The following MAN1A2 variants were observed in gnomAD, a reference collection of about 807,000 sequenced individuals.
The protein encoded by MAN1A2 is mannosyl-oligosaccharide 1,2-alpha-mannosidase IB.
MAN1A2 carries 26 observed loss-of-function variants against 75.7 expected under a neutral mutation model. The ratio of observed to expected loss-of-function variants is 0.34; its 90% CI spans 0.25 to 0.48. The LOEUF is 0.48. Among genes scored for constraint, MAN1A2 ranks in the 20% least tolerant of loss-of-function variants. MAN1A2 has a pLI of 0.99. For missense variants in MAN1A2, 562 were observed against 775.5 expected (o/e 0.72, Z 3.27); for synonymous variants, 247 against 264.6 (o/e 0.93, Z 0.65).
intron 6 of MAN1A2, among the ~76,000 whole-genome samples, chr1:117,457,504 G>GT (rs1308618948): frequency 6.6e-6 from 1 of 152,008 alleles, no homozygotes; most frequent in Admixed American, 6.6e-5. Context: ...TAGGATATAT[G>GT]TAAGTATCAA....
intron 2 of MAN1A2, among the ~76,000 whole-genome samples, chr1:117,402,776 G>A (rs975713853): frequency 5.3e-5 from 8 of 151,906 alleles, no homozygotes; most frequent in African/African-American, 1.9e-4. Context: ...TAAATGTTCA[G>A]TTACAAAGGG....
chr1:117,446,096 TTG>T (rs1649227655), intron 6 of MAN1A2, among the ~76,000 whole-genome samples: 1 of 151,310 alleles, frequency 6.6e-6, no homozygotes, highest in Non-Finnish European at 1.5e-5. Context: ...TTGTGTTACT[TTG>T]TTTTACCTTT....
chr1:117,383,768 G>A (rs898615612), intron 1 of MAN1A2, among the ~76,000 whole-genome samples: 17 of 150,460 alleles, frequency 1.1e-4, no homozygotes, highest in East Asian at 5.8e-4. Flanking sequence ...TTTTTTAAGC[G>A]TTGGGGGTCT....
chr1:117,425,011 A>G (rs1328761361), intron 5 of MAN1A2, among the ~76,000 whole-genome samples: 1 of 151,976 alleles, frequency 6.6e-6, no homozygotes, highest in Non-Finnish European at 1.5e-5. Context: ...AGCCACCTTC[A>G]TATATTGCTC....
chr1:117,422,080 G>C (rs548497150), intron 5 of MAN1A2, among the ~76,000 whole-genome samples: 2 of 151,978 alleles, frequency 1.3e-5, no homozygotes, highest in East Asian at 3.8e-4. Flanking sequence ...TATTATTTAC[G>C]TACAGTAAAA....
At chr1:117,521,993 G>A (rs56681070) in intron 12 of MAN1A2, among the ~76,000 whole-genome samples, 39,200 of 151,742 alleles carry the variant, frequency 0.26, 5,725 homozygotes, top group East Asian at 0.47. Context: ...AGGACACAAA[G>A]GTGTGAGAAT....
chr1:117,448,147 G>A (rs1330917761), intron 6 of MAN1A2, among the ~76,000 whole-genome samples: 1 of 152,026 alleles, frequency 6.6e-6, no homozygotes, highest in African/African-American at 2.4e-5. Flanking sequence ...TCCCTTGTTA[G>A]CTCTATTCCT....
chr1:117,392,074 T>A (rs1324797121), intron 1 of MAN1A2, among the ~76,000 whole-genome samples: 1 of 152,070 alleles, frequency 6.6e-6, no homozygotes, highest in Admixed American at 6.6e-5. Flanking sequence ...TTATATCCCC[T>A]CCCTTTCTAC....
chr1:117,527,364 A>G lies in MAN1A2; in HGVS notation c.*4407A>G, dbSNP rs1652057834. 6.6e-6 allele frequency: 1 copy of G among 151,994 alleles called. No homozygotes were observed. Among genetic ancestry groups the G allele is most frequent in the Non-Finnish European group, 1.5e-5 (1 of 67,890 alleles). The allele number at this position is 151,994 out of a possible 1,614,324, so 9.4% of individuals were successfully genotyped here. On this transcript the variant is annotated 3_prime_UTR_variant, in exon 13 of 13. Coordinates refer to ENST00000356554, the MANE Select transcript of MAN1A2 (RefSeq NM_006699.5). ...TGGATTTGGTCCATGGGTCATAGTT[A>G]GTGACCCTGATCCCAAGTTTATTTT...
intron 6 of MAN1A2, among the ~76,000 whole-genome samples, chr1:117,459,074 AAGG>A (rs1157326936): frequency 1.3e-5 from 2 of 152,112 alleles, no homozygotes; most frequent in Non-Finnish European, 2.9e-5. Context: ...CTGTGATCCT[AAGG>A]TCATCGCCAT....
At chr1:117,406,029 A>G (rs953538335) in intron 3 of MAN1A2, among the ~76,000 whole-genome samples, 1 of 152,090 alleles carries the variant, frequency 6.6e-6, no homozygotes, top group Non-Finnish European at 1.5e-5. Context: ...AGTTCTGTGT[A>G]CATTTTTTAA....
At chr1:117,417,040 T>C (rs1239677037) in intron 4 of MAN1A2, among the ~76,000 whole-genome samples, 1 of 152,144 alleles carries the variant, frequency 6.6e-6, no homozygotes, top group Non-Finnish European at 1.5e-5. Flanking sequence ...CTCTTCTTCC[T>C]CCAGTCTTGT....
intron 5 of MAN1A2, among the ~76,000 whole-genome samples, chr1:117,425,004 C>T (rs1359847640): frequency 6.6e-6 from 1 of 151,632 alleles, no homozygotes; most frequent in Non-Finnish European, 1.5e-5. Context: ...AGGAGATAGC[C>T]ACCTTCATAT....
At position 117,372,685 on chromosome 1, in the gene MAN1A2, G is replaced by A. The variant is rs150379548; in HGVS notation, c.302+4200G>A. 7.6e-3 allele frequency among the ~76,000 whole-genome samples: 1,151 copies of A among 151,952 alleles called. 7 individuals carry two copies. Among genetic ancestry groups the A allele is most frequent in the African/African-American group, 0.026 (1,094 of 41,466 alleles). ...TGTTATAATATACATGTTGTTATAC[G>A]CTAATATACATAAAGTAATATACGT... On this transcript the variant is annotated intron_variant, in intron 1 of 12. Transcript: ENST00000356554.
intron 1 of MAN1A2, among the ~76,000 whole-genome samples, chr1:117,380,824 A>C (rs747132270): frequency 4.6e-5 from 7 of 152,190 alleles, no homozygotes; most frequent in Non-Finnish European, 8.8e-5. Context: ...TTCTTTTTCA[A>C]AATTGCTTTG....
At chr1:117,383,575 T>A (rs572060343) in intron 1 of MAN1A2, among the ~76,000 whole-genome samples, 9 of 152,302 alleles carry the variant, frequency 5.9e-5, no homozygotes, top group Admixed American at 3.3e-4. Context: ...CCAGTAAAGC[T>A]ATCTGGTTCT....
chr1:117,407,624 C>T (rs1361102115), intron 3 of MAN1A2, among the ~76,000 whole-genome samples: 1 of 152,158 alleles, frequency 6.6e-6, no homozygotes. Context: ...ATAGGGGCTC[C>T]TCTGACTTCT....
At chr1:117,448,170 C>G (rs1649299555) in intron 6 of MAN1A2, among the ~76,000 whole-genome samples, 1 of 152,062 alleles carries the variant, frequency 6.6e-6, no homozygotes, top group Non-Finnish European at 1.5e-5. Context: ...ATATTTTATT[C>G]TCCTTGCGGC....
chr1:117,498,717 C>G (rs1318856824), intron 10 of MAN1A2, among the ~76,000 whole-genome samples: 1 of 151,714 alleles, frequency 6.6e-6, no homozygotes, highest in African/African-American at 2.4e-5. Flanking sequence ...GTTGTTTTTA[C>G]TTGTCTTTAA....
Sources: allele counts gnomAD v4.1 joint callset (sites outside exome capture counted in the v4.1 genomes callset), GRCh38; gene constraint gnomAD v4.1.1; transcripts MANE v1.5; gene names NCBI Gene and HGNC (gene_info 2026-07-23, HGNC 2026-07-21).